The following RANBP17 variants were observed in gnomAD, a reference collection of about 807,000 sequenced individuals.
RANBP17 encodes RAN binding protein 17.
In RANBP17, 158 loss-of-function variants were observed where a neutral mutation model predicts 141.2. The ratio of observed to expected loss-of-function variants is 1.12; its 90% CI spans 0.98 to 1.28. The LOEUF is 1.28. Among genes scored for constraint, RANBP17 ranks in the 50% most tolerant of loss-of-function variants. The pLI, the probability that RANBP17 is intolerant of heterozygous loss-of-function variation, is 0.00. For missense variants in RANBP17, 1,438 were observed against 1,290.7 expected (o/e 1.11, Z -1.75); for synonymous variants, 430 against 450.0 (o/e 0.96, Z 0.56).
At chr5:171,119,289 T>C (rs1177473498) in intron 14 of RANBP17, among the ~76,000 whole-genome samples, 1 of 152,230 alleles carries the variant, frequency 6.6e-6, no homozygotes, top group African/African-American at 2.4e-5. Context: ...CTAGCATTTG[T>C]TGGTTTTTGC....
chr5:171,205,359 G>C (rs754248472), intron 19 of RANBP17, among the ~76,000 whole-genome samples, 165 bp from the exon 20 acceptor site: 8 of 152,184 alleles, frequency 5.3e-5, no homozygotes, highest in Non-Finnish European at 1.2e-4. Flanking sequence ...CAGCAGATTT[G>C]ATGGTCTGTT....
chr5:171,008,384 G>A (rs1032026410), intron 14 of RANBP17, among the ~76,000 whole-genome samples: 2 of 152,168 alleles, frequency 1.3e-5, no homozygotes, highest in South Asian at 4.1e-4. Flanking sequence ...TCCCAAAGGA[G>A]TCCCTCTGAC....
intron 24 of RANBP17, among the ~76,000 whole-genome samples, chr5:171,250,174 A>G (rs1765467035): frequency 6.6e-6 from 1 of 152,198 alleles, no homozygotes; most frequent in African/African-American, 2.4e-5. Flanking sequence ...TTGTAAATGA[A>G]GGAGATATAA....
intron 18 of RANBP17, among the ~76,000 whole-genome samples, chr5:171,189,086 C>A (rs1003821639): frequency 6.6e-6 from 1 of 151,926 alleles, no homozygotes; most frequent in Non-Finnish European, 1.5e-5. Flanking sequence ...ATGTAAATAT[C>A]TGTTGCATTA....
chr5:170,984,253 A>G (rs1274357947), intron 14 of RANBP17, among the ~76,000 whole-genome samples: 1 of 152,182 alleles, frequency 6.6e-6, no homozygotes, highest in African/African-American at 2.4e-5. Context: ...TTTCTGAGGT[A>G]CATAGATAAC....
rs78202407 is a variant in RANBP17 at position 171,111,329 on chromosome 5, T to TA, written c.1711-58800dup. Among the ~76,000 whole-genome samples the TA allele has an allele frequency of 2.3e-3, 344 of 152,300 alleles. 7 individuals carry two copies. In the East Asian group the frequency reaches 0.039, roughly 17 times the overall value. On this transcript the variant is annotated intron_variant, in intron 14 of 27. Coordinates refer to ENST00000523189, the MANE Select transcript of RANBP17 (RefSeq NM_022897.5). ...CCTTTTGCTAAGTGAATGTCATTCT[T>TA]ACCTCAGTCACAAAATGAAAGATGT...
At chr5:171,011,723 T>G (rs940832918) in intron 14 of RANBP17, among the ~76,000 whole-genome samples, 11 of 151,926 alleles carry the variant, frequency 7.2e-5, no homozygotes, top group Admixed American at 3.9e-4. Flanking sequence ...AACAAGAATA[T>G]TCTCATACAC....
At chr5:171,186,075 A>G (rs1414417688) in intron 18 of RANBP17, among the ~76,000 whole-genome samples, 1 of 152,220 alleles carries the variant, frequency 6.6e-6, no homozygotes, top group East Asian at 1.9e-4. Flanking sequence ...TAAGGACCCT[A>G]GGATTTTCAA....
intron 18 of RANBP17, among the ~76,000 whole-genome samples, chr5:171,184,006 A>C (rs997684375): frequency 6.6e-6 from 1 of 152,340 alleles, no homozygotes; most frequent in Non-Finnish European, 1.5e-5. Flanking sequence ...ACAATACTTC[A>C]GAAAAGGCTT....
intron 14 of RANBP17, among the ~76,000 whole-genome samples, chr5:171,012,924 C>A (rs10475556): frequency 2.6e-5 from 4 of 151,858 alleles, no homozygotes; most frequent in African/African-American, 9.7e-5. Context: ...TTTCTCCTGT[C>A]GTGTTAAGAT....
chr5:171,130,423 TA>T (rs565219965), intron 14 of RANBP17, among the ~76,000 whole-genome samples: 1,485 of 134,030 alleles, frequency 0.011, 32 homozygotes, highest in African/African-American at 0.037. Context: ...CAGAATACTT[TA>T]AAAAGACTTT....
At position 171,238,458 on chromosome 5, in the gene RANBP17, A is replaced by T. The variant is rs115028493; in HGVS notation, c.2423-2470A>T. On this transcript the variant is annotated intron_variant, in intron 22 of 27. Coordinates refer to ENST00000523189, the MANE Select transcript of RANBP17 (RefSeq NM_022897.5). ...CAATCAGGCAGTTCTTGGCCTGCCTATTTCATCTGTTGCTACAGAATATAG... is the reference window on the plus strand; with the variant it reads ...CAATCAGGCAGTTCTTGGCCTGCCTTTTTCATCTGTTGCTACAGAATATAG... 6.1e-3 allele frequency among the ~76,000 whole-genome samples: 928 copies of T among 152,220 alleles called. 9 individuals are homozygous for T. The highest frequency in any genetic ancestry group is 0.02 in the African/African-American group (834 of 41,532).
At chr5:171,040,487 A>G (rs1373097958) in intron 14 of RANBP17, among the ~76,000 whole-genome samples, 1 of 152,214 alleles carries the variant, frequency 6.6e-6, no homozygotes, top group Non-Finnish European at 1.5e-5. Flanking sequence ...CCAATGTAGT[A>G]TATGAGTCTG....
chr5:171,026,508 C>G (rs867106331), intron 14 of RANBP17, among the ~76,000 whole-genome samples: 1 of 152,118 alleles, frequency 6.6e-6, no homozygotes. Flanking sequence ...CCTTTTCATT[C>G]CTTTAACAGA....
chr5:170,942,172 A>T lies in RANBP17; in HGVS notation c.1469-11425A>T, dbSNP rs576942391. Among the ~76,000 whole-genome samples the T allele has an allele frequency of 7.2e-5, 11 of 152,260 alleles. No individual in the cohort carries two copies. In the East Asian group the frequency reaches 2.1e-3, roughly 29 times the overall value. On this transcript the variant is annotated intron_variant, in intron 12 of 27. Transcript: ENST00000523189. ...AATGTGTATAATGCCTGATGACCCG[A>T]GGTGGAACAGTTTCATCCCAAAACC...
intron 21 of RANBP17, among the ~76,000 whole-genome samples, chr5:171,221,460 A>C (rs977043872): frequency 1.3e-5 from 2 of 152,214 alleles, no homozygotes; most frequent in Non-Finnish European, 2.9e-5. Flanking sequence ...TCCAGTTGGC[A>C]TGAAAGAAGG....
chr5:170,884,718 CCTT>C (rs1391016816), intron 3 of RANBP17, among the ~76,000 whole-genome samples: 1 of 152,162 alleles, frequency 6.6e-6, no homozygotes, highest in East Asian at 1.9e-4. Context: ...AAGTACCAAT[CCTT>C]CTGTGTTCAC....
chr5:171,186,588 G>C lies in RANBP17; in HGVS notation c.2038+3158G>C, dbSNP rs563017314. Among the ~76,000 whole-genome samples, 13 of 112,904 alleles carry C rather than the reference G, an allele frequency of 1.2e-4. No homozygotes were observed. In the East Asian group the frequency reaches 4.1e-3, roughly 35 times the overall value. The allele number at this position is 112,904 out of a possible 152,430, so 74.1% of individuals were successfully genotyped here. On this transcript the variant is annotated intron_variant, in intron 18 of 27. Coordinates refer to ENST00000523189, the MANE Select transcript of RANBP17 (RefSeq NM_022897.5). ...GTCTCGCTCTGTCGCCCAGGCTGGA[G>C]TGCAGTGGTGCGATCTCGGCTCACT...
intron 14 of RANBP17, among the ~76,000 whole-genome samples, chr5:171,115,076 C>T (rs114512339): frequency 0.047 from 7,057 of 151,710 alleles, 203 homozygotes; most frequent in East Asian, 0.12. Context: ...ACTCCAACCT[C>T]GGTGACAGAG....
Sources: allele counts gnomAD v4.1 joint callset (sites outside exome capture counted in the v4.1 genomes callset), GRCh38; gene constraint gnomAD v4.1.1; transcripts MANE v1.5; gene names NCBI Gene and HGNC (gene_info 2026-07-23, HGNC 2026-07-21).